CA13: variants seen among roughly 807,000 people sequenced by gnomAD.
CA13 encodes the protein CA-XIII.
In CA13, 21 loss-of-function variants were observed where a neutral mutation model predicts 31.5. The ratio of observed to expected loss-of-function variants is 0.67; its 90% CI spans 0.47 to 0.96. CA13 has a LOEUF of 0.96. Among genes scored for constraint, CA13 ranks in the 40% least tolerant of loss-of-function variants. The probability of loss-of-function intolerance (pLI) is 0.00; values close to 1 mark genes in which losing one functional copy is unlikely to be tolerated. For synonymous variants in CA13, 117 were observed against 111.4 expected (o/e 1.05, Z -0.32); for missense variants, 315 against 318.9 (o/e 0.99, Z 0.09).
At chr8:85,270,576 G>A (rs1807515796) in intron 6 of CA13, among the ~76,000 whole-genome samples, 1 of 152,032 alleles carries the variant, frequency 6.6e-6, no homozygotes, top group Admixed American at 6.6e-5. Context: ...ATGCTAAATG[G>A]TTTACTTTTA....
chr8:85,280,673 C>T (rs1416171584), intron 6 of CA13, among the ~76,000 whole-genome samples: 1 of 152,186 alleles, frequency 6.6e-6, no homozygotes. Context: ...TTTCCAACTT[C>T]ACTTTAGACC....
At chr8:85,277,484 G>A (rs1463855386) in intron 6 of CA13, among the ~76,000 whole-genome samples, 1 of 152,132 alleles carries the variant, frequency 6.6e-6, no homozygotes, top group Non-Finnish European at 1.5e-5. Flanking sequence ...TTTAAGTACT[G>A]TAACACTCAC....
intron 6 of CA13, among the ~76,000 whole-genome samples, chr8:85,274,010 G>C (rs968586062): frequency 1.3e-5 from 2 of 151,836 alleles, no homozygotes; most frequent in South Asian, 2.1e-4. Flanking sequence ...CGGTCTTCAG[G>C]GGGTATGTGT....
Position 85,268,559 on chromosome 8 carries a change from G to C in CA13, c.601G>C (p.Val201Leu), listed in dbSNP as rs200914326. Reference protein sequence around the residue: ...DYWTYPGSLTVPPLLESVTWI... With the variant: ...DYWTYPGSLTLPPLLESVTWI... The stretch of plus-strand genomic sequence containing the variant: ...CTGGACATATCCTGGTTCTCTTACA[G>C]TTCCACCTCTTCTTGAGAGTGTCAC... Residue 201 changes from valine to leucine, a missense_variant, in exon 6 of 7, where the codon GTT becomes CTT. Coordinates refer to ENST00000321764, the MANE Select transcript of CA13 (RefSeq NM_198584.3). 6.2e-7 allele frequency: 1 copy of C among 1,613,912 alleles called. No homozygotes were observed. Among genetic ancestry groups the C allele is most frequent in the African/African-American group, 1.3e-5 (1 of 74,970 alleles).
intron 6 of CA13, among the ~76,000 whole-genome samples, chr8:85,269,773 T>C (rs1178013611): frequency 6.6e-6 from 1 of 152,160 alleles, no homozygotes; most frequent in Non-Finnish European, 1.5e-5. Flanking sequence ...GGTGCAACCA[T>C]ACCTCACTCC....
intron 2 of CA13, among the ~76,000 whole-genome samples, chr8:85,254,971 T>A (rs1807269527): frequency 6.6e-6 from 1 of 152,080 alleles, no homozygotes; most frequent in African/African-American, 2.4e-5. Flanking sequence ...TTCCTCATAG[T>A]TCTTGGAGGG....
chr8:85,281,130 T>A lies in CA13; in HGVS notation c.670-100T>A, dbSNP rs529544491. On this transcript the variant is annotated intron_variant, in intron 6 of 6. Transcript: ENST00000321764. ...TAACAGAAAATTTTCATTGCAGTAT[T>A]TTTTGTTCCTGGTTATAGATATATC... 3.9e-5 allele frequency: 55 copies of A among 1,400,696 alleles called. No homozygotes were observed. In the East Asian group the frequency reaches 1.2e-3, roughly 30 times the overall value. The allele number at this position is 1,400,696 out of a possible 1,614,324, so 86.8% of individuals were successfully genotyped here.
At chr8:85,276,258 C>A (rs571546184) in intron 6 of CA13, among the ~76,000 whole-genome samples, 1 of 152,284 alleles carries the variant, frequency 6.6e-6, no homozygotes, top group East Asian at 1.9e-4. Flanking sequence ...GCCTTCCTCC[C>A]CCCGGGGCAG....
Position 85,245,629 on chromosome 8 carries a change from G to T in CA13, c.-200G>T. The T allele has an allele frequency of 1.7e-6, 1 of 599,830 alleles. No individual in the cohort carries two copies. The allele number at this position is 599,830 out of a possible 1,614,324, so 37.2% of individuals were successfully genotyped here. A position where few individuals can be genotyped will look rare whatever the true frequency, so the allele number is the denominator to read the frequency against. On this transcript the variant is annotated 5_prime_UTR_variant, in exon 1 of 7. Coordinates refer to ENST00000321764, the MANE Select transcript of CA13 (RefSeq NM_198584.3). ...ACTCGCGCCCCAGGAGTCAGCCAGC[G>T]GCGCGGGCGCCTTCCCCGCACGCCT... is the stretch of plus-strand genomic sequence containing the variant.
chr8:85,281,598 C>A lies in CA13; in HGVS notation c.*249C>A. 2.5e-6 allele frequency: 2 copies of A among 808,466 alleles called. No individual in the cohort carries two copies. The highest frequency in any genetic ancestry group is 1.6e-6 in the Non-Finnish European group (1 of 621,106). 50.1% of individuals were successfully genotyped at this position (808,466 alleles called of 1,614,324 possible). ...TACAGTCTTGGCTAATTGCAGCCTC[C>A]AACTCCTGGACTCAAGTGATCCTCC... On this transcript the variant is annotated 3_prime_UTR_variant, in exon 7 of 7. Coordinates refer to ENST00000321764, the MANE Select transcript of CA13 (RefSeq NM_198584.3).
intron 6 of CA13, among the ~76,000 whole-genome samples, chr8:85,280,860 A>T (rs572716501): frequency 3.3e-5 from 5 of 152,232 alleles, no homozygotes; most frequent in African/African-American, 1.2e-4. Flanking sequence ...TCAAAACAGC[A>T]TATATAGTTG....
intron 6 of CA13, among the ~76,000 whole-genome samples, chr8:85,270,138 G>A (rs1403483632): frequency 6.6e-6 from 1 of 152,180 alleles, no homozygotes; most frequent in Non-Finnish European, 1.5e-5. Context: ...CATTGGTTTT[G>A]TTTTTGTTGT....
At chr8:85,277,533 C>T (rs1203212645) in intron 6 of CA13, among the ~76,000 whole-genome samples, 1 of 152,160 alleles carries the variant, frequency 6.6e-6, no homozygotes, top group Non-Finnish European at 1.5e-5. Flanking sequence ...GTCAGTGAGA[C>T]CAAGAACCCA....
rs1057054719 is a variant in CA13, at chr8:85,283,301, G to A, written c.*1952G>A. The A allele has an allele frequency of 6.6e-6, 1 of 152,170 alleles. No individual in the cohort carries two copies. Among genetic ancestry groups the A allele is most frequent in the African/African-American group, 2.4e-5 (1 of 41,442 alleles). 9.4% of individuals were successfully genotyped at this position (152,170 alleles called of 1,614,324 possible). ...GAATATCAGTAAATTGTGTAACAGT[G>A]GTGGATACTGTTGCATAAGATGAGC... On this transcript the variant is annotated 3_prime_UTR_variant, in exon 7 of 7. Transcript: ENST00000321764.
At position 85,245,590 on chromosome 8, in the gene CA13, C is replaced by A; in HGVS notation, c.-239C>A. 1 of 547,176 alleles carries A rather than the reference C, an allele frequency of 1.8e-6. No homozygotes were observed. Among genetic ancestry groups the A allele is most frequent in the Non-Finnish European group, 3.2e-6 (1 of 309,916 alleles). 33.9% of individuals were successfully genotyped at this position (547,176 alleles called of 1,614,324 possible). On this transcript the variant is annotated 5_prime_UTR_variant, in exon 1 of 7. Coordinates refer to ENST00000321764, the MANE Select transcript of CA13 (RefSeq NM_198584.3). ...TAACTCAAATCTCTCATTCCCGAGT[C>A]CAAACTAAGAGAGACTCGCGCCCCA...
At position 85,283,301 on chromosome 8, in the gene CA13, G is replaced by C. The variant is rs1057054719; in HGVS notation, c.*1952G>C. 6.6e-6 allele frequency: 1 copy of C among 152,170 alleles called. No homozygotes were observed. The highest frequency in any genetic ancestry group is 2.1e-4 in the South Asian group (1 of 4,832). 9.4% of individuals were successfully genotyped at this position (152,170 alleles called of 1,614,324 possible). On this transcript the variant is annotated 3_prime_UTR_variant, in exon 7 of 7. Coordinates refer to ENST00000321764, the MANE Select transcript of CA13 (RefSeq NM_198584.3). ...GAATATCAGTAAATTGTGTAACAGT[G>C]GTGGATACTGTTGCATAAGATGAGC...
intron 3 of CA13, among the ~76,000 whole-genome samples, chr8:85,265,078 A>G (rs1180892721): frequency 6.6e-6 from 1 of 152,260 alleles, no homozygotes; most frequent in Non-Finnish European, 1.5e-5. Context: ...CCTGTAAGTT[A>G]TATTTAAAGG....
chr8:85,250,796 A>G lies in CA13; in HGVS notation c.94A>G (p.Ile32Val), dbSNP rs369958972. 265 of 1,613,574 alleles carry G rather than the reference A, an allele frequency of 1.6e-4. No homozygotes were observed. Among genetic ancestry groups the G allele is most frequent in the Non-Finnish European group, 2.2e-4 (258 of 1,179,622 alleles). The change falls in exon 2 of 7, where the codon ATT becomes GTT. Residue 32 changes from isoleucine to valine, a missense_variant. Physicochemically the swap from Ile to Val is conservative, Grantham distance 29. Transcript: ENST00000321764. Reference protein sequence around the residue: ...PIADGDQQSPIEIKTKEVKYD... With the variant: ...PIADGDQQSPVEIKTKEVKYD... ...TGCTGATGGTGATCAGCAATCTCCA[A>G]TTGAGATTAAAACCAAAGAAGTGAA...
rs773244919 is a variant in CA13 at position 85,281,323 on chromosome 8, C to T, written c.763C>T (p.Arg255Cys). The T allele has an allele frequency of 1.5e-5, 25 of 1,613,722 alleles. No homozygotes were observed. In the East Asian group the frequency reaches 2.5e-4, roughly 16 times the overall value. ...NHRPPQPLKG[R>C]KVRASFH The stretch of plus-strand genomic sequence containing the variant: ...CCGCCCACCACAGCCTCTAAAGGGC[C>T]GCAAAGTGAGAGCCTCTTTCCATTA... The change falls in exon 7 of 7, where the codon CGC (arginine) becomes TGC (cysteine). Residue 255 changes from arginine to cysteine, a missense_variant. Coordinates refer to ENST00000321764, the MANE Select transcript of CA13 (RefSeq NM_198584.3).
Sources: allele counts gnomAD v4.1 joint callset (sites outside exome capture counted in the v4.1 genomes callset), GRCh38; gene constraint gnomAD v4.1.1; transcripts MANE v1.5; gene names NCBI Gene and HGNC (gene_info 2026-07-23, HGNC 2026-07-21).